PABPC4L: variants seen among roughly 807,000 people sequenced by gnomAD.
The protein encoded by PABPC4L is polyadenylate-binding protein 4-like.
For missense variants in PABPC4L, 452 were observed against 451.4 expected (o/e 1.00, Z -0.01); for synonymous variants, 169 against 164.1 (o/e 1.03, Z -0.23).
chr4:133,969,922 C>A, the PABPC4L span, among the ~76,000 whole-genome samples: 1 of 151,980 alleles, frequency 6.6e-6, no homozygotes, highest in Non-Finnish European at 1.5e-5. Context: ...GCTGTCTCCA[C>A]TTTTTCTTTC....
In PABPC4L at chr4:134,199,754, AT is replaced by A. The variant is rs1729784269; in HGVS notation, c.*152del. 1 of 963,418 alleles carries A rather than the reference AT, an allele frequency of 1.0e-6. No homozygotes were observed. Among genetic ancestry groups the A allele is most frequent in the Non-Finnish European group, 1.5e-6 (1 of 683,778 alleles). The allele number at this position is 963,418 out of a possible 1,614,324, so 59.7% of individuals were successfully genotyped here. A position where few individuals can be genotyped will look rare whatever the true frequency, so the allele number is the denominator to read the frequency against. The stretch of plus-strand genomic sequence containing the variant: ...TCTATTTTTCCACAAAAGAAAAAAA[AT>A]GGCTTTGTATAAAAAACGTTTTATC... On this transcript the variant is annotated 3_prime_UTR_variant, in exon 2 of 2. Coordinates refer to ENST00000421491, the MANE Select transcript of PABPC4L (RefSeq NM_001114734.2).
At chr4:134,166,951 C>T in the PABPC4L span, among the ~76,000 whole-genome samples, 1 of 152,250 alleles carries the variant, frequency 6.6e-6, no homozygotes, top group South Asian at 2.1e-4. Context: ...AATCATCTGT[C>T]CTGTCTAACT....
chr4:134,181,467 G>A, the PABPC4L span, among the ~76,000 whole-genome samples: 3 of 152,040 alleles, frequency 2.0e-5, no homozygotes, highest in East Asian at 3.9e-4. Flanking sequence ...AACAAAACAA[G>A]GTTGCCCTTT....
chr4:134,098,636 A>T, the PABPC4L span, among the ~76,000 whole-genome samples: 1 of 151,716 alleles, frequency 6.6e-6, no homozygotes, highest in Non-Finnish European at 1.5e-5. Context: ...CCTAAAGTTA[A>T]TGGGGTCTTA....
chr4:134,164,262 C>CA, the PABPC4L span, among the ~76,000 whole-genome samples: 2,738 of 34,200 alleles, frequency 0.08, 692 homozygotes, highest in Non-Finnish European at 0.13. Context: ...GACTCCGTCT[C>CA]AAAAAAAAAA....
chr4:134,127,962 A>T, the PABPC4L span, among the ~76,000 whole-genome samples: 2 of 152,176 alleles, frequency 1.3e-5, no homozygotes, highest in Non-Finnish European at 1.5e-5. Context: ...CATGAATAAA[A>T]AACAATCACA....
the PABPC4L span, among the ~76,000 whole-genome samples, chr4:133,990,656 G>C: frequency 6.6e-6 from 1 of 152,168 alleles, no homozygotes. Flanking sequence ...CTAAGCCAAA[G>C]ATGATTGCAT....
the PABPC4L span, among the ~76,000 whole-genome samples, chr4:134,007,626 A>G: frequency 2.6e-5 from 4 of 151,812 alleles, no homozygotes; most frequent in African/African-American, 9.6e-5. Flanking sequence ...CAATTTCAAC[A>G]TAAGTAAAAT....
chr4:134,090,222 T>C, the PABPC4L span, among the ~76,000 whole-genome samples: 1 of 152,166 alleles, frequency 6.6e-6, no homozygotes, highest in Admixed American at 6.5e-5. Context: ...ATGTTCCTCA[T>C]TATTTAATGT....
At chr4:133,989,412 G>C in the PABPC4L span, among the ~76,000 whole-genome samples, 1 of 152,072 alleles carries the variant, frequency 6.6e-6, no homozygotes, top group Admixed American at 6.5e-5. Context: ...TCTAGGGCAG[G>C]GGCAAAATGC....
the PABPC4L span, among the ~76,000 whole-genome samples, chr4:134,186,393 C>T: frequency 6.6e-6 from 1 of 152,050 alleles, no homozygotes; most frequent in African/African-American, 2.4e-5. Context: ...CCACACACAT[C>T]CACAACCATC....
the PABPC4L span, among the ~76,000 whole-genome samples, chr4:134,140,848 T>G: frequency 6.6e-6 from 1 of 151,610 alleles, no homozygotes; most frequent in Non-Finnish European, 1.5e-5. Context: ...TGACCATTGA[T>G]TGTTGGAAAT....
the PABPC4L span, among the ~76,000 whole-genome samples, chr4:134,115,163 G>A: frequency 3.3e-5 from 5 of 151,836 alleles, no homozygotes; most frequent in Non-Finnish European, 7.4e-5. Flanking sequence ...CACAGACTAT[G>A]AATAGGGATT....
the PABPC4L span, among the ~76,000 whole-genome samples, chr4:134,140,266 T>C: frequency 6.6e-6 from 1 of 151,816 alleles, no homozygotes; most frequent in Admixed American, 6.6e-5. Flanking sequence ...AGATGATGGA[T>C]ATGGTAATTT....
At chr4:134,045,345 A>G in the PABPC4L span, among the ~76,000 whole-genome samples, 1 of 152,162 alleles carries the variant, frequency 6.6e-6, no homozygotes, top group Non-Finnish European at 1.5e-5. Flanking sequence ...GCAGATAGCA[A>G]TATCTCCTGT....
At chr4:134,116,142 T>A in the PABPC4L span, among the ~76,000 whole-genome samples, 1 of 151,794 alleles carries the variant, frequency 6.6e-6, no homozygotes, top group South Asian at 2.1e-4. Flanking sequence ...CATCAGGGAC[T>A]GCAAAGTAGA....
At chr4:134,087,798 C>T in the PABPC4L span, among the ~76,000 whole-genome samples, 31 of 152,128 alleles carry the variant, frequency 2.0e-4, no homozygotes, top group Admixed American at 2.0e-3. Context: ...TCCCTTCTTC[C>T]TTCCTCCTGG....
the PABPC4L span, among the ~76,000 whole-genome samples, chr4:134,152,281 TAAG>T: frequency 6.6e-6 from 1 of 152,182 alleles, no homozygotes; most frequent in Non-Finnish European, 1.5e-5. Context: ...GTTTTAGTGT[TAAG>T]AATATGTTAC....
downstream of PABPC4L, among the ~76,000 whole-genome samples, chr4:134,192,081 C>A (rs1008105950): frequency 2.6e-5 from 4 of 152,020 alleles, no homozygotes; most frequent in African/African-American, 9.6e-5. Context: ...ATGTTCATAG[C>A]AGTAGTATTC....
Sources: gnomAD v4.1 joint callset for allele counts (sites outside exome capture counted in the v4.1 genomes callset) on GRCh38, gnomAD v4.1.1 for gene constraint, MANE v1.5 for transcripts, NCBI Gene and HGNC (gene_info 2026-07-23, HGNC 2026-07-21) for gene names.